RNF216: variants seen among roughly 807,000 people sequenced by gnomAD.
RNF216 encodes E3 ubiquitin-protein ligase RNF216.
RNF216 carries 72 observed loss-of-function variants against 110.8 expected under a neutral mutation model. That is an observed-to-expected ratio of 0.65 (90% CI 0.54 to 0.79). The LOEUF (loss-of-function observed/expected upper bound fraction) is 0.79. Ranked by LOEUF, RNF216 falls within the 30% of genes least tolerant of loss-of-function variation. The pLI is 0.00. For synonymous variants in RNF216, 495 were observed against 407.5 expected, an observed-to-expected ratio of 1.21 and a Z score of -2.59; for missense variants, 1,342 against 1,141.2, an observed-to-expected ratio of 1.18 and a Z score of -2.54.
intron 3 of RNF216, among the ~76,000 whole-genome samples, chr7:5,746,582 A>T (rs1795041766): frequency 6.6e-6 from 1 of 152,222 alleles, no homozygotes. Context: ...TGACTGAGTC[A>T]GATGGAAACT....
At chr7:5,761,492 A>C (rs1294726208) in intron 1 of RNF216, among the ~76,000 whole-genome samples, 2 of 152,184 alleles carry the variant, frequency 1.3e-5, no homozygotes, top group Non-Finnish European at 2.9e-5. Context: ...AAATCAGAAA[A>C]TGAATTATGT....
intron 13 of RNF216, among the ~76,000 whole-genome samples, chr7:5,667,118 T>G: frequency 6.6e-6 from 1 of 152,230 alleles, no homozygotes; most frequent in East Asian, 1.9e-4. Flanking sequence ...CCATGACTTT[T>G]AAACTATAAA....
intron 13 of RNF216, among the ~76,000 whole-genome samples, chr7:5,689,761 C>T (rs1271629511): frequency 2.6e-5 from 4 of 151,844 alleles, no homozygotes; most frequent in Non-Finnish European, 5.9e-5. Context: ...CAAGACAAGC[C>T]TGGCCTGCGT....
rs866992925 is a variant in RNF216, at chr7:5,736,454, C to T, written c.1121+2822G>A. Among the ~76,000 whole-genome samples the T allele has an allele frequency of 8.7e-4, 133 of 152,266 alleles. No homozygotes were observed. In the Middle Eastern group the frequency reaches 0.01, roughly 12 times the overall value. ...TTGCCCAGGCTGCAGTGCAGTGGCGCGATCTCGGCTCGCTACAACCTCCAC... is the reference window on the plus strand; with the variant it reads ...TTGCCCAGGCTGCAGTGCAGTGGCGTGATCTCGGCTCGCTACAACCTCCAC... On this transcript the variant is annotated intron_variant, in intron 5 of 16. Transcript: ENST00000389902.
intron 7 of RNF216, among the ~76,000 whole-genome samples, chr7:5,728,057 AC>A (rs746163899): frequency 1.9e-4 from 29 of 152,158 alleles, no homozygotes; most frequent in Non-Finnish European, 4.1e-4. Flanking sequence ...CACATTGGCA[AC>A]CAACGTTTCC....
In RNF216 at chr7:5,622,002, T is replaced by TC. The variant is rs1276301400; in HGVS notation, c.*857dup. ...CTGTCTCCCTAAGGAGGCCCACTCC[T>TC]CCCCCAGAAAGCCAGGGGGGAAAAG... is the stretch of plus-strand genomic sequence containing the variant. On this transcript the variant is annotated 3_prime_UTR_variant, in exon 17 of 17. Transcript: ENST00000389902. The TC allele has an allele frequency of 2.0e-5, 3 of 151,502 alleles. No homozygotes were observed. The highest frequency in any genetic ancestry group is 7.3e-5 in the African/African-American group (3 of 41,172). The allele number at this position is 151,502 out of a possible 1,614,324, so 9.4% of individuals were successfully genotyped here. A position where few individuals can be genotyped will look rare whatever the true frequency, so the allele number is the denominator to read the frequency against.
intron 15 of RNF216, among the ~76,000 whole-genome samples, chr7:5,633,940 C>T (rs1176847681): frequency 6.6e-6 from 1 of 152,272 alleles, no homozygotes; most frequent in Non-Finnish European, 1.5e-5. Flanking sequence ...GTTCTGTCCA[C>T]GCAGCAGGGT....
At chr7:5,752,497 A>C (rs182420876) in intron 3 of RNF216, among the ~76,000 whole-genome samples, 1 of 152,354 alleles carries the variant, frequency 6.6e-6, no homozygotes. Context: ...TAAAATCCAT[A>C]TAAAAATTTA....
chr7:5,721,968 G>A (rs139238589), intron 8 of RNF216, among the ~76,000 whole-genome samples: 25 of 152,360 alleles, frequency 1.6e-4, no homozygotes, highest in African/African-American at 4.6e-4. Context: ...TGCTGCTCAC[G>A]CTGGAGTGCA....
rs78340435 is a variant in RNF216, at chr7:5,629,613, C to G, written c.2383-5488G>C. Among the ~76,000 whole-genome samples the G allele has an allele frequency of 4.3e-4, 65 of 151,928 alleles. No homozygotes were observed. The East Asian group carries it at 0.01, about 24-fold the overall frequency. ...GGAGGCCGAGGCGGGCGGATCACGA[C>G]GTCAGGAGTTTGAGACAGGCCTGGC... On this transcript the variant is annotated intron_variant, in intron 15 of 16. Coordinates refer to ENST00000389902, the MANE Select transcript of RNF216 (RefSeq NM_207111.4).
intron 15 of RNF216, among the ~76,000 whole-genome samples, chr7:5,629,646 G>A (rs922722573): frequency 2.0e-5 from 3 of 151,912 alleles, no homozygotes; most frequent in Non-Finnish European, 1.5e-5. Context: ...GGCCAATATG[G>A]TGAAACCTCA....
intron 10 of RNF216, among the ~76,000 whole-genome samples, chr7:5,716,098 A>T (rs1793046524): frequency 6.6e-6 from 1 of 151,890 alleles, no homozygotes; most frequent in Non-Finnish European, 1.5e-5. Flanking sequence ...TGCTATGTTG[A>T]CCAGGTTAGT....
At chr7:5,769,557 T>C (rs1796386283) in intron 1 of RNF216, among the ~76,000 whole-genome samples, 1 of 151,690 alleles carries the variant, frequency 6.6e-6, no homozygotes, top group Non-Finnish European at 1.5e-5. Context: ...ACGCTGTCTC[T>C]ACCAACAAAC....
chr7:5,725,498 A>G, intron 7 of RNF216, 60 bp from the exon 8 acceptor site: 1 of 964,618 alleles, frequency 1.0e-6, no homozygotes, highest in Non-Finnish European at 1.7e-6. Flanking sequence ...TACACGAGAC[A>G]GGCAATCCCT....
At chr7:5,750,985 A>T (rs1258265984) in intron 3 of RNF216, among the ~76,000 whole-genome samples, 1 of 152,248 alleles carries the variant, frequency 6.6e-6, no homozygotes, top group Admixed American at 6.5e-5. Context: ...CTACTTGGTT[A>T]AAACAAGGTA....
chr7:5,673,501 T>A (rs1790061155), intron 13 of RNF216, among the ~76,000 whole-genome samples: 1 of 152,134 alleles, frequency 6.6e-6, no homozygotes, highest in Non-Finnish European at 1.5e-5. Context: ...GGGGGTGATG[T>A]GAAGAACAGC....
intron 3 of RNF216, among the ~76,000 whole-genome samples, chr7:5,746,805 TA>T (rs771209374): frequency 6.6e-6 from 1 of 152,156 alleles, no homozygotes; most frequent in African/African-American, 2.4e-5. Flanking sequence ...AATTCAGAAT[TA>T]TGATGACCAT....
rs1790616432 is a variant in RNF216, at chr7:5,680,995, C to G, written c.2062-28485G>C. 6.6e-6 allele frequency among the ~76,000 whole-genome samples: 1 copy of G among 152,272 alleles called. No individual in the cohort carries two copies. The highest frequency in any genetic ancestry group is 3.4e-3 in the Middle Eastern group (1 of 294). On this transcript the variant is annotated intron_variant, in intron 13 of 16. Transcript: ENST00000389902. This position sits in a 1 kb window ranked among gnomAD's most constrained non-coding sequence, Gnocchi z 4.3. ...AGAGCCTGGACTTCAGGCCATCCCA[C>G]CCCTCACTCCCTCTCATGCTGCTGC...
chr7:5,749,713 T>C (rs1171993629), intron 3 of RNF216, among the ~76,000 whole-genome samples: 1 of 152,220 alleles, frequency 6.6e-6, no homozygotes, highest in Non-Finnish European at 1.5e-5. Flanking sequence ...AAGATGTATA[T>C]GCGAAAAATG....
Sources: allele counts gnomAD v4.1 joint callset (sites outside exome capture counted in the v4.1 genomes callset), GRCh38; gene constraint gnomAD v4.1.1; non-coding constraint Gnocchi (gnomAD v3.1); transcripts MANE v1.5; gene names NCBI Gene and HGNC (gene_info 2026-07-23, HGNC 2026-07-21).